The following AR variants were observed in gnomAD, a reference collection of about 807,000 sequenced individuals.
AR encodes the protein androgen receptor, also known as dihydrotestosterone receptor.
AR carries 8 observed loss-of-function variants against 53.9 expected under a neutral mutation model. The ratio of observed to expected loss-of-function variants is 0.15; its 90% CI spans 0.09 to 0.27. The LOEUF is 0.27. Ranked by LOEUF, AR falls within the 10% of genes least tolerant of loss-of-function variation. The probability of loss-of-function intolerance (pLI) is 1.00; values close to 1 mark genes in which losing one functional copy is unlikely to be tolerated. For missense variants in AR, 639 were observed against 742.5 expected (o/e 0.86, Z 1.62); for synonymous variants, 359 against 316.4 (o/e 1.13, Z -1.43).
At position 67,681,546 on chromosome X, in the gene AR, A is replaced by G. The variant is rs1317846069; in HGVS notation, c.1769-4464A>G. On this transcript the variant is annotated intron_variant, in intron 2 of 7. Transcript: ENST00000374690. ...CTGTGGCTTGGGGCATGTAATTTCA[A>G]TACTTTGTGCCCATTTTCATAAGTG... 2.7e-5 allele frequency among the ~76,000 whole-genome samples: 3 copies of G among 112,274 alleles called. No homozygotes were observed. In the Admixed American group the frequency reaches 2.8e-4, roughly 11 times the overall value.
intron 1 of AR, among the ~76,000 whole-genome samples, chrX:67,628,562 T>C (rs1480112152): frequency 9.2e-6 from 1 of 108,751 alleles, no homozygotes; most frequent in Non-Finnish European, 1.9e-5. Context: ...TTTCTAGATA[T>C]ACAATCATGT....
At position 67,579,618 on chromosome X, in the gene AR, A is replaced by G. The variant is rs753464088; in HGVS notation, c.1616+32856A>G. ...GTTGTATAATGTTGAAGATACAGTT[A>G]CAGATTTCCAACACGAAACTCATAA... On this transcript the variant is annotated intron_variant, in intron 1 of 7. Transcript: ENST00000374690. 2.7e-5 allele frequency among the ~76,000 whole-genome samples: 3 copies of G among 111,726 alleles called. No individual in the cohort carries two copies. In the East Asian group the frequency reaches 8.5e-4, roughly 32 times the overall value.
At chrX:67,581,483 T>G (rs954619952) in intron 1 of AR, among the ~76,000 whole-genome samples, 1 of 111,876 alleles carries the variant, frequency 8.9e-6, no homozygotes, top group African/African-American at 3.2e-5. Context: ...TTCCAGCATG[T>G]GGCTCTCAGC....
chrX:67,610,799 G>A (rs1055430363), intron 1 of AR, among the ~76,000 whole-genome samples: 1 of 111,420 alleles, frequency 9.0e-6, no homozygotes, highest in South Asian at 3.8e-4. Flanking sequence ...GATATTAAGA[G>A]TAGTGCTGCA....
intron 1 of AR, among the ~76,000 whole-genome samples, chrX:67,636,477 T>C (rs1925442291): frequency 8.9e-6 from 1 of 112,036 alleles, no homozygotes; most frequent in Non-Finnish European, 1.9e-5. Flanking sequence ...GATTCAACTA[T>C]GTGTAGCTCG....
At chrX:67,567,946 C>A (rs1035601990) in intron 1 of AR, among the ~76,000 whole-genome samples, 3 of 111,101 alleles carry the variant, frequency 2.7e-5, no homozygotes, top group African/African-American at 9.8e-5. Context: ...TCCCTTGTAC[C>A]AGCAACTTAG....
chrX:67,651,265 T>A (rs890343697), intron 2 of AR, among the ~76,000 whole-genome samples: 8 of 106,386 alleles, frequency 7.5e-5, no homozygotes, highest in Non-Finnish European at 1.4e-4. Context: ...GCCAGGCTGG[T>A]CTCGAACTCC....
chrX:67,613,109 A>G (rs771234640), intron 1 of AR, among the ~76,000 whole-genome samples: 2 of 111,957 alleles, frequency 1.8e-5, no homozygotes, highest in East Asian at 5.7e-4. Context: ...GCCTCAGCTC[A>G]TATATAAGGT....
intron 1 of AR, among the ~76,000 whole-genome samples, chrX:67,632,497 C>T (rs1925206519): frequency 8.9e-6 from 1 of 112,434 alleles, no homozygotes; most frequent in Admixed American, 9.4e-5. Flanking sequence ...CCTGCTTCGG[C>T]TCACACACGG....
chrX:67,705,321 T>G (rs887901191), intron 3 of AR, among the ~76,000 whole-genome samples: 40 of 111,427 alleles, frequency 3.6e-4, no homozygotes, highest in Non-Finnish European at 6.6e-4. Context: ...TTTTATTTCA[T>G]TGAGCAGTGG....
intron 2 of AR, among the ~76,000 whole-genome samples, chrX:67,660,263 G>T (rs762576358): frequency 8.9e-6 from 1 of 112,024 alleles, no homozygotes; most frequent in South Asian, 3.7e-4. Context: ...ATTGCTTTTG[G>T]TGTTTTAGAC....
chrX:67,607,596 G>T (rs1165511467), intron 1 of AR, among the ~76,000 whole-genome samples: 2 of 112,157 alleles, frequency 1.8e-5, no homozygotes, highest in Non-Finnish European at 3.8e-5. Flanking sequence ...TGAGTATTAT[G>T]CTTACCTCAC....
intron 2 of AR, among the ~76,000 whole-genome samples, chrX:67,667,500 GT>G (rs1204680525): frequency 9.0e-6 from 1 of 111,412 alleles, no homozygotes; most frequent in African/African-American, 3.3e-5. Flanking sequence ...GATTCTTCCA[GT>G]TTTGCTCTGT....
chrX:67,708,513 T>A (rs979048048), intron 3 of AR, among the ~76,000 whole-genome samples: 1 of 111,985 alleles, frequency 8.9e-6, no homozygotes, highest in Non-Finnish European at 1.9e-5. Context: ...TAAGGCCGTC[T>A]CTACATTGAT....
intron 1 of AR, among the ~76,000 whole-genome samples, chrX:67,582,672 T>G (rs1289960755): frequency 8.9e-6 from 1 of 111,737 alleles, no homozygotes; most frequent in Non-Finnish European, 1.9e-5. Flanking sequence ...GAATCAAAAA[T>G]AATTGTACCA....
At chrX:67,563,441 ATATC>A (rs2064529647) in intron 1 of AR, among the ~76,000 whole-genome samples, 1 of 111,701 alleles carries the variant, frequency 9.0e-6, no homozygotes, top group Non-Finnish European at 1.9e-5. Context: ...ATAAATGTAA[ATATC>A]TAGCCCAGGG....
chrX:67,609,609 T>C (rs899985481), intron 1 of AR, among the ~76,000 whole-genome samples: 2 of 111,230 alleles, frequency 1.8e-5, no homozygotes, highest in African/African-American at 6.5e-5. Flanking sequence ...ATACGAAATA[T>C]ATCCTGAGTT....
chrX:67,667,330 C>G (rs1401955186), intron 2 of AR, among the ~76,000 whole-genome samples: 1 of 111,409 alleles, frequency 9.0e-6, no homozygotes, highest in Non-Finnish European at 1.9e-5. Context: ...CTCTAATATA[C>G]GTTCTTGGCA....
At chrX:67,722,686 A>C in intron 6 of AR, 141 bp from the exon 7 acceptor site, 1 of 692,584 alleles carries the variant, frequency 1.4e-6, no homozygotes, top group Non-Finnish European at 2.2e-6. Context: ...CCAAGCACAC[A>C]GACTTCAACT....
Sources: allele counts gnomAD v4.1 joint callset (sites outside exome capture counted in the v4.1 genomes callset), GRCh38; gene constraint gnomAD v4.1.1; transcripts MANE v1.5; gene names NCBI Gene and HGNC (gene_info 2026-07-23, HGNC 2026-07-21).